Variants in ZNF512 observed in about 807,000 individuals in gnomAD.
ZNF512 encodes the protein zinc finger protein 512.
ZNF512 carries 25 observed loss-of-function variants against 77.5 expected under a neutral mutation model. That is an observed-to-expected ratio of 0.32 (90% CI 0.23 to 0.45). The LOEUF (loss-of-function observed/expected upper bound fraction) is 0.45, where lower values mean the gene tolerates loss of function less well. ZNF512 is among the 20% of genes least tolerant of loss of function. The probability of loss-of-function intolerance (pLI) is 1.00; values close to 1 mark genes in which losing one functional copy is unlikely to be tolerated. For missense variants in ZNF512, 483 were observed against 692.6 expected (o/e 0.70, Z 3.40); for synonymous variants, 246 against 239.9 (o/e 1.03, Z -0.24).
intron 6 of ZNF512, 39 bp from the exon 7 acceptor site, chr2:27,601,315 CTG>C: frequency 6.9e-7 from 1 of 1,459,470 alleles, no homozygotes. Flanking sequence ...TTCTGTTTCT[CTG>C]TGGAACAACC....
Position 27,601,403 on chromosome 2 carries a change from A to G in ZNF512, c.630A>G (p.Ala210=). 1.2e-6 allele frequency: 2 copies of G among 1,614,042 alleles called. No homozygotes were observed. The highest frequency in any genetic ancestry group is 1.7e-6 in the Non-Finnish European group (2 of 1,179,986). ...HHCGKQLRSL[A]GMKYHVMANH... is the part of the protein sequence containing the mutation. ...GTGGGAAACAACTTCGTTCACTGGC[A>G]GGGATGAAGTATCATGTCATGGCAA... The change falls in exon 7 of 14, where the codon GCA becomes GCG. Residue 210 remains alanine (A), a synonymous_variant. Coordinates refer to ENST00000355467, the MANE Select transcript of ZNF512 (RefSeq NM_032434.4).
rs764004654 is a variant in ZNF512, at chr2:27,598,180, C to A, written c.203C>A (p.Pro68Gln). 1 of 1,614,112 alleles carries A rather than the reference C, an allele frequency of 6.2e-7. No individual in the cohort carries two copies. The highest frequency in any genetic ancestry group is 2.2e-5 in the East Asian group (1 of 44,876). Residue 68 changes from proline to glutamine, a missense_variant, in exon 3 of 14, where the codon CCA becomes CAA. Physicochemically the swap from Pro to Gln is moderately conservative, Grantham distance 76. Transcript: ENST00000355467. ...ASSCEPVSDF[P>Q]ASFRKSTYWM... ...TCGTGTGAACCAGTGAGTGATTTTC[C>A]AGCATCTTTCCGAAAATCTACCTAC... is the stretch of plus-strand genomic sequence containing the variant.
intron 1 of ZNF512, 179 bp downstream of exon 1, chr2:27,583,321 A>T: frequency 1.6e-6 from 2 of 1,252,266 alleles, no homozygotes; most frequent in Non-Finnish European, 2.2e-6. Flanking sequence ...CCTGTTCCCC[A>T]CCTCCTTGGA....
intron 2 of ZNF512, among the ~76,000 whole-genome samples, chr2:27,596,244 C>T (rs1273884501): frequency 6.6e-6 from 1 of 152,156 alleles, no homozygotes; most frequent in African/African-American, 2.4e-5. Flanking sequence ...CAAGCTTTTG[C>T]TGCTTTGGTT....
In ZNF512 at chr2:27,600,784, G is replaced by A; in HGVS notation, c.551G>A (p.Gly184Asp). 1 of 1,613,102 alleles carries A rather than the reference G, an allele frequency of 6.2e-7. No individual in the cohort carries two copies. Among genetic ancestry groups the A allele is most frequent in the Non-Finnish European group, 8.5e-7 (1 of 1,179,646 alleles). Reference sequence around the variant, plus strand: ...GCAGTGGGGAGGAAGACCATAGAGGGTTTAAAGAAACACATGGAAAACTGC... The same window carrying A: ...GCAGTGGGGAGGAAGACCATAGAGGATTTAAAGAAACACATGGAAAACTGC... ...CQAVGRKTIE[G>D]LKKHMENCKQ... is the part of the protein sequence containing the mutation. The change falls in exon 6 of 14, where the codon GGT (glycine) becomes GAT (aspartate). Residue 184 changes from glycine (G) to aspartate (D), a missense_variant. Physicochemically the swap from Gly to Asp is moderately conservative, Grantham distance 94. This residue lies in a region of ZNF512 where 324 missense variants were observed against 525.0 expected (regional missense o/e 0.62). Transcript: ENST00000355467.
At position 27,611,854 on chromosome 2, in the gene ZNF512, C is replaced by T. The variant is rs189862693; in HGVS notation, c.1132-3314C>T. ...CTGGGACTACAGGTGTGCACCACCA[C>T]GCCCGGCTAATTTTTGTAGTTATGG... is the stretch of plus-strand genomic sequence containing the variant. On this transcript the variant is annotated intron_variant, in intron 10 of 13. Transcript: ENST00000355467. Among the ~76,000 whole-genome samples the T allele has an allele frequency of 1.1e-4, 16 of 152,096 alleles. No homozygotes were observed. The East Asian group carries it at 2.3e-3, about 22-fold the overall frequency.
At chr2:27,590,441 A>G (rs1671523256) in intron 2 of ZNF512, among the ~76,000 whole-genome samples, 1 of 152,054 alleles carries the variant, frequency 6.6e-6, no homozygotes. Flanking sequence ...AGATGTCTTT[A>G]TATTTTAGAG....
At chr2:27,618,396 A>G (rs896297044) in intron 13 of ZNF512, among the ~76,000 whole-genome samples, 2 of 152,176 alleles carry the variant, frequency 1.3e-5, no homozygotes, top group African/African-American at 4.8e-5. Context: ...AAAACAACTA[A>G]AGGACATTAT....
chr2:27,608,534 T>G (rs1347081509), intron 10 of ZNF512, among the ~76,000 whole-genome samples: 1 of 152,060 alleles, frequency 6.6e-6, no homozygotes, highest in African/African-American at 2.4e-5. Flanking sequence ...CTTGATACTT[T>G]TATTGTTCCC....
intron 13 of ZNF512, among the ~76,000 whole-genome samples, chr2:27,620,408 C>G (rs1302850595): frequency 6.6e-6 from 1 of 152,200 alleles, no homozygotes; most frequent in Non-Finnish European, 1.5e-5. Flanking sequence ...TTGTCACATA[C>G]ATGTACCCAC....
At chr2:27,594,769 C>T (rs1671776368) in intron 2 of ZNF512, among the ~76,000 whole-genome samples, 1 of 152,150 alleles carries the variant, frequency 6.6e-6, no homozygotes. Context: ...CTTTGGGAGG[C>T]CAAGGCAGGC....
intron 9 of ZNF512, among the ~76,000 whole-genome samples, chr2:27,607,371 CTT>C (rs1194932049): frequency 6.4e-5 from 9 of 141,034 alleles, no homozygotes; most frequent in Middle Eastern, 3.3e-3. Context: ...ACTAAGAGGC[CTT>C]TTTTTTTTTT....
At chr2:27,598,608 G>A (rs1410687170) in intron 3 of ZNF512, among the ~76,000 whole-genome samples, 5 of 145,104 alleles carry the variant, frequency 3.4e-5, no homozygotes, top group Non-Finnish European at 6.0e-5. Context: ...TAGCCTGGGC[G>A]AAAGAGCGAG....
At chr2:27,616,134 G>A (rs1334984670) in intron 11 of ZNF512, 128 bp from the exon 12 acceptor site, 6 of 601,976 alleles carry the variant, frequency 1.0e-5, no homozygotes, top group Middle Eastern at 2.7e-4. Flanking sequence ...TTCTTTTTTC[G>A]TTTGTTTTGT....
rs1440331800 is a variant in ZNF512, at chr2:27,583,153, T to A, written c.30+11T>A. 1.9e-6 allele frequency: 3 copies of A among 1,614,090 alleles called. No homozygotes were observed. The highest frequency in any genetic ancestry group is 2.5e-6 in the Non-Finnish European group (3 of 1,180,050). On this transcript the variant is annotated intron_variant, in intron 1 of 13. Coordinates refer to ENST00000355467, the MANE Select transcript of ZNF512 (RefSeq NM_032434.4). Reference sequence around the variant, plus strand: ...GGTGCTGTACCCGCCGTGAGTTTCTTGGTTTGACCGTTATGCTTTAGAGGT... The same window carrying A: ...GGTGCTGTACCCGCCGTGAGTTTCTAGGTTTGACCGTTATGCTTTAGAGGT...
At chr2:27,608,401 C>T (rs889964178) in intron 10 of ZNF512, among the ~76,000 whole-genome samples, 1 of 152,060 alleles carries the variant, frequency 6.6e-6, no homozygotes, top group Non-Finnish European at 1.5e-5. Flanking sequence ...AACTCCTCTC[C>T]CCCGCTTTTT....
At chr2:27,600,962 G>A in intron 6 of ZNF512, 147 bp downstream of exon 6, 1 of 1,120,388 alleles carries the variant, frequency 8.9e-7, no homozygotes, top group Non-Finnish European at 1.2e-6. Context: ...GACAGAGTTA[G>A]GTTTGAATCT....
intron 9 of ZNF512, among the ~76,000 whole-genome samples, chr2:27,604,052 G>A (rs1233313188): frequency 3.3e-5 from 5 of 151,936 alleles, no homozygotes; most frequent in East Asian, 1.9e-4. Flanking sequence ...TCAGCTTCCC[G>A]AGTAGCTGGG....
chr2:27,602,261 C>T (rs1672148043), intron 7 of ZNF512, among the ~76,000 whole-genome samples: 1 of 152,186 alleles, frequency 6.6e-6, no homozygotes, highest in Admixed American at 6.5e-5. Flanking sequence ...TCTTGGGAGT[C>T]AGAGGCTCAG....
Sources: gnomAD v4.1 joint callset for allele counts (sites outside exome capture counted in the v4.1 genomes callset) on GRCh38, gnomAD v4.1.1 for gene constraint, gnomAD v4.1.1 regional missense constraint, MANE v1.5 for transcripts, NCBI Gene and HGNC (gene_info 2026-07-23, HGNC 2026-07-21) for gene names.